COL19A1: variants seen among roughly 807,000 people sequenced by gnomAD.
The protein encoded by COL19A1 is collagen type XIX alpha 1 chain, also known as collagen alpha-1(XIX) chain.
In COL19A1, 159 loss-of-function variants were observed where a neutral mutation model predicts 190.2. The observed-to-expected ratio is 0.84, with a 90% confidence interval of 0.73 to 0.95. COL19A1 has a LOEUF of 0.95. COL19A1 is among the 40% of genes least tolerant of loss of function. The pLI, the probability that COL19A1 is intolerant of heterozygous loss-of-function variation, is 0.00. For synonymous variants in COL19A1, 509 were observed against 458.9 expected (o/e 1.11, Z -1.39); for missense variants, 1,418 against 1,431.9 (o/e 0.99, Z 0.16).
At position 70,068,484 on chromosome 6, in the gene COL19A1, A is replaced by G; in HGVS notation, c.1224+8A>G. 2 of 1,568,624 alleles carry G rather than the reference A, an allele frequency of 1.3e-6. No individual in the cohort carries two copies. The stretch of plus-strand genomic sequence containing the variant: ...GGAAAAGAGGGTCAGAGGGTAAGTA[A>G]AGCTGGAACAACTGGTGGGCATTAC... On this transcript the variant is annotated splice_region_variant and intron_variant, in intron 15 of 50. Transcript: ENST00000620364.
intron 14 of COL19A1, among the ~76,000 whole-genome samples, chr6:70,044,063 T>G (rs2150126014): frequency 6.6e-6 from 1 of 152,346 alleles, no homozygotes; most frequent in Admixed American, 6.5e-5. Flanking sequence ...CACTTTGTAC[T>G]TTTATATTCT....
chr6:70,060,468 T>G (rs1780762154), intron 14 of COL19A1, among the ~76,000 whole-genome samples: 1 of 151,244 alleles, frequency 6.6e-6, no homozygotes. Context: ...GGTGGGCAAG[T>G]GAGCAAGCTT....
chr6:70,113,449 A>T (rs958275255), intron 16 of COL19A1, among the ~76,000 whole-genome samples: 1 of 152,158 alleles, frequency 6.6e-6, no homozygotes, highest in African/African-American at 2.4e-5. Context: ...CACAACTGTT[A>T]TCCACTGCAA....
At position 70,190,316 on chromosome 6, in the gene COL19A1, C is replaced by A. The variant is rs1199727551; in HGVS notation, c.3029C>A (p.Ala1010Asp). 3 of 1,598,660 alleles carry A rather than the reference C, an allele frequency of 1.9e-6. No homozygotes were observed. In the East Asian group the frequency reaches 6.7e-5, roughly 36 times the overall value. Residue 1010 changes from alanine to aspartate, a missense_variant and splice_region_variant, in exon 48 of 51, where the codon GCT becomes GAT. By Grantham distance (126) the Ala-to-Asp change is moderately radical (BLOSUM62 -2). Transcript: ENST00000620364. ...PGSPGIPGIP[A>D]DAVSFEEIKK... ...CAACCTTTTTTTTTCCTTCTTCAGG[C>A]TGATGCAGTTTCATTTGAAGAAATA...
Position 70,020,655 on chromosome 6 carries a change from A to C in COL19A1, c.1027-2972A>C, listed in dbSNP as rs1316462975. 3.9e-5 allele frequency among the ~76,000 whole-genome samples: 6 copies of C among 152,146 alleles called. 1 individual carries two copies. The highest frequency in any genetic ancestry group is 6.3e-3 in the Middle Eastern group (2 of 316). ...AGAGGTGATTTTGCCCTCTAGGAAC[A>C]TTTGGCAATGTCTGCAGACATTTTT... On this transcript the variant is annotated intron_variant, in intron 11 of 50. Transcript: ENST00000620364.
At chr6:70,168,510 T>C in intron 39 of COL19A1, 145 bp from the exon 40 acceptor site, 1 of 690,434 alleles carries the variant, frequency 1.4e-6, no homozygotes, top group Admixed American at 3.3e-5. Flanking sequence ...TATTTATTCA[T>C]CTTATTCTTC....
At chr6:70,182,995 G>A (rs562927428) in intron 44 of COL19A1, among the ~76,000 whole-genome samples, 31 of 152,222 alleles carry the variant, frequency 2.0e-4, no homozygotes, top group African/African-American at 7.5e-4. Flanking sequence ...GGTGAGAGGG[G>A]TCTCTTTTGT....
At chr6:70,146,596 A>C in intron 25 of COL19A1, 63 bp from the exon 26 acceptor site, 1 of 1,247,264 alleles carries the variant, frequency 8.0e-7, no homozygotes, top group Non-Finnish European at 1.1e-6. Context: ...TTTTAGTTAT[A>C]ACTTCTAATG....
At chr6:70,107,812 ATTT>A (rs1784064179) in intron 16 of COL19A1, among the ~76,000 whole-genome samples, 1 of 152,122 alleles carries the variant, frequency 6.6e-6, no homozygotes, top group Non-Finnish European at 1.5e-5. Context: ...TTCTCCCGAG[ATTT>A]ACAGCCTCTT....
At chr6:70,199,423 A>C (rs1218146166) in intron 48 of COL19A1, among the ~76,000 whole-genome samples, 185 bp from the exon 49 acceptor site, 1 of 152,246 alleles carries the variant, frequency 6.6e-6, no homozygotes, top group Non-Finnish European at 1.5e-5. Context: ...ATCTATACAC[A>C]AACAACTTTG....
chr6:70,175,484 A>G (rs1765747339), intron 41 of COL19A1, among the ~76,000 whole-genome samples: 1 of 152,054 alleles, frequency 6.6e-6, no homozygotes, highest in South Asian at 2.1e-4. Context: ...TGTAAAGAGA[A>G]GAAGCAAACT....
intron 15 of COL19A1, among the ~76,000 whole-genome samples, chr6:70,069,179 C>T (rs1781414052): frequency 6.6e-6 from 1 of 152,078 alleles, no homozygotes; most frequent in African/African-American, 2.4e-5. Context: ...CTAAATAGTA[C>T]AGGTACTGTC....
At chr6:69,977,644 G>A (rs1024525026) in intron 11 of COL19A1, among the ~76,000 whole-genome samples, 2 of 151,344 alleles carry the variant, frequency 1.3e-5, no homozygotes, top group South Asian at 4.2e-4. Context: ...TTTTTGCTTG[G>A]CATTTCCCAG....
chr6:69,970,735 A>G (rs1188688935), intron 11 of COL19A1, among the ~76,000 whole-genome samples: 2 of 152,208 alleles, frequency 1.3e-5, no homozygotes, highest in Non-Finnish European at 2.9e-5. Context: ...CGTGTTATAC[A>G]ATTGTTTCCT....
rs1562125750 is a variant in COL19A1 at position 70,055,800 on chromosome 6, A to AAAT, written c.1171-12621_1171-12620insTAA. Among the ~76,000 whole-genome samples the AAAT allele has an allele frequency of 2.7e-5, 4 of 150,788 alleles. No homozygotes were observed. In the East Asian group the frequency reaches 7.8e-4, roughly 29 times the overall value. On this transcript the variant is annotated intron_variant, in intron 14 of 50. Transcript: ENST00000620364. ...CTGTATTAAAAAAAAAAAAAAAAAAAAAAAATTCACATTTTAATGACTGTA... is the reference window on the plus strand; with the variant it reads ...CTGTATTAAAAAAAAAAAAAAAAAAAAATAAAAATTCACATTTTAATGACTGTA...
intron 18 of COL19A1, among the ~76,000 whole-genome samples, chr6:70,136,891 GA>G (rs536567276): frequency 4.6e-4 from 70 of 151,618 alleles, no homozygotes; most frequent in Non-Finnish European, 6.6e-4. Context: ...TGAAGTTAGG[GA>G]AAAAAAATCA....
At chr6:70,089,198 T>A (rs957891646) in intron 15 of COL19A1, among the ~76,000 whole-genome samples, 12 of 152,282 alleles carry the variant, frequency 7.9e-5, no homozygotes, top group Middle Eastern at 3.4e-3. Context: ...GTAAAAATAC[T>A]TTATTATGTG....
In COL19A1 at chr6:70,122,552, G is replaced by T. The variant is rs536806121; in HGVS notation, c.1341+610G>T. 3.9e-5 allele frequency among the ~76,000 whole-genome samples: 6 copies of T among 152,258 alleles called. No homozygotes were observed. The South Asian group carries it at 1.2e-3, about 32-fold the overall frequency. ...AAGAGAAGATCTAGGTGAGATCATT[G>T]ATTGATTCATCATTCAATGACAAAT... On this transcript the variant is annotated intron_variant, in intron 17 of 50. Coordinates refer to ENST00000620364, the MANE Select transcript of COL19A1 (RefSeq NM_001858.6).
chr6:70,121,853 T>A (rs778555070), intron 16 of COL19A1, 27 bp from the exon 17 acceptor site: 1 of 1,413,788 alleles, frequency 7.1e-7, no homozygotes, highest in East Asian at 2.3e-5. Flanking sequence ...TGTGTATATA[T>A]TTGTCTTTGA....
Sources: gnomAD v4.1 joint callset for allele counts (sites outside exome capture counted in the v4.1 genomes callset) on GRCh38, gnomAD v4.1.1 for gene constraint, MANE v1.5 for transcripts, NCBI Gene and HGNC (gene_info 2026-07-23, HGNC 2026-07-21) for gene names.